ZFP90: variants seen among roughly 807,000 people sequenced by gnomAD.
ZFP90 encodes ZFP90 zinc finger protein, also known as zinc finger protein 90 homolog.
In ZFP90, 38 loss-of-function variants were observed where a neutral mutation model predicts 60.8. The ratio of observed to expected loss-of-function variants is 0.62; its 90% CI spans 0.48 to 0.82. The LOEUF is 0.82. ZFP90 is among the 40% of genes least tolerant of loss of function. The pLI is 0.00. For missense variants in ZFP90, 711 were observed against 759.1 expected, an observed-to-expected ratio of 0.94 and a Z score of 0.74; for synonymous variants, 287 against 264.8, an observed-to-expected ratio of 1.08 and a Z score of -0.82.
upstream of ZFP90, among the ~76,000 whole-genome samples, chr16:68,534,841 A>G (rs2090949298): frequency 6.6e-6 from 1 of 151,972 alleles, no homozygotes. Context: ...TGGGAGGCAG[A>G]GCTTGCAGTG....
chr16:68,549,475 A>G (rs1328058042), intron 2 of ZFP90, among the ~76,000 whole-genome samples: 1 of 152,094 alleles, frequency 6.6e-6, no homozygotes, highest in African/African-American at 2.4e-5. Flanking sequence ...CAGGAGATCA[A>G]GACCATCCTG....
Position 68,564,742 on chromosome 16 carries a change from G to A in ZFP90, c.*44G>A, listed in dbSNP as rs1393055727. 7.1e-6 allele frequency: 11 copies of A among 1,549,506 alleles called. No homozygotes were observed. Among genetic ancestry groups the A allele is most frequent in the Admixed American group, 2.1e-5 (1 of 48,350 alleles). On this transcript the variant is annotated 3_prime_UTR_variant, in exon 5 of 5. Transcript: ENST00000563169. ...ATTTGCAGAATGCTTTAGCTAAAAT[G>A]TTCTGATTCAGGATCAGAGGATTCT...
intron 2 of ZFP90, among the ~76,000 whole-genome samples, chr16:68,550,248 G>A (rs8058314): frequency 0.77 from 116,584 of 152,114 alleles, 44,766 homozygotes; most frequent in East Asian, 0.82. Flanking sequence ...TTTGAAATTC[G>A]GTGTGTATTT....
At chr16:68,573,935 A>G (rs913731742) in intron 2 of ZFP90, 1 of 152,124 alleles carries the variant, frequency 6.6e-6, no homozygotes, top group African/African-American at 2.4e-5. Flanking sequence ...TGCAGTGCTG[A>G]GTTTTCGCTT....
chr16:68,564,887 A>G lies in ZFP90; in HGVS notation c.*189A>G, dbSNP rs2091501506. The G allele has an allele frequency of 7.3e-6, 10 of 1,362,950 alleles. No homozygotes were observed. Among genetic ancestry groups the G allele is most frequent in the Non-Finnish European group, 9.4e-6 (10 of 1,063,852 alleles). 84.4% of individuals were successfully genotyped at this position (1,362,950 alleles called of 1,614,324 possible). ...GACACATTCTCAGATCTGATTACAGACTAGTGTAAAAACAGCTACATGTAT... is the reference window on the plus strand; with the variant it reads ...GACACATTCTCAGATCTGATTACAGGCTAGTGTAAAAACAGCTACATGTAT... On this transcript the variant is annotated 3_prime_UTR_variant, in exon 5 of 5. Coordinates refer to ENST00000563169, the MANE Select transcript of ZFP90 (RefSeq NM_001305203.2).
chr16:68,567,790 T>G (rs774732733), downstream of ZFP90, among the ~76,000 whole-genome samples: 4 of 152,234 alleles, frequency 2.6e-5, no homozygotes, highest in African/African-American at 9.6e-5. Context: ...ACCTAAAATA[T>G]GTATGATATA....
At position 68,563,162 on chromosome 16, in the gene ZFP90, C is replaced by G; in HGVS notation, c.375C>G (p.Ser125Arg). 3.1e-6 allele frequency: 5 copies of G among 1,614,054 alleles called. No individual in the cohort carries two copies. Among genetic ancestry groups the G allele is most frequent in the Non-Finnish European group, 4.2e-6 (5 of 1,180,010 alleles). Residue 125 changes from serine (S) to arginine (R), a missense_variant, in exon 5 of 5, where the codon AGC becomes AGG. Physicochemically the swap from Ser to Arg is moderately radical, Grantham distance 110. This residue lies in a region of ZFP90 where 241 missense variants were observed against 247.6 expected (regional missense o/e 0.97). Coordinates refer to ENST00000563169, the MANE Select transcript of ZFP90 (RefSeq NM_001305203.2). The part of the protein sequence containing the change: ...ATLEDSWDVS[S>R]QLDRQQENWK... ...TAGAAGACTCCTGGGATGTTAGCAG[C>G]CAGTTAGACAGGCAACAGGAAAACT... is the stretch of plus-strand genomic sequence containing the variant.
At chr16:68,539,661 C>T (rs1248040351) in intron 1 of ZFP90, 97 bp from the exon 2 acceptor site, 2 of 994,122 alleles carry the variant, frequency 2.0e-6, no homozygotes, top group South Asian at 1.7e-5. Flanking sequence ...CCACCATCTC[C>T]CCTGGAGATG....
At chr16:68,537,263 G>T (rs1728799), upstream of ZFP90, among the ~76,000 whole-genome samples, 116,415 of 151,890 alleles carry the variant, frequency 0.77, 44,701 homozygotes, top group East Asian at 0.82. Context: ...GTAGCTGTGA[G>T]TACAGGCGCA....
chr16:68,540,757 A>G (rs1468691789), intron 2 of ZFP90, among the ~76,000 whole-genome samples: 1 of 145,696 alleles, frequency 6.9e-6, no homozygotes, highest in Non-Finnish European at 1.5e-5. Context: ...GGATCGTTTA[A>G]GCCCAGGAAT....
At chr16:68,561,291 A>G (rs1353329654) in intron 4 of ZFP90, among the ~76,000 whole-genome samples, 2 of 152,198 alleles carry the variant, frequency 1.3e-5, no homozygotes, top group East Asian at 3.8e-4. Context: ...AAAGTTCCCT[A>G]TCGTACTTCC....
At chr16:68,555,093 C>T (rs2152068284) in intron 2 of ZFP90, 1 of 152,362 alleles carries the variant, frequency 6.6e-6, no homozygotes, top group Non-Finnish European at 1.5e-5. Flanking sequence ...CCTCTTAGGA[C>T]CTGGTACAGA....
rs2091528084 is a variant in ZFP90 at position 68,566,416 on chromosome 16, A to G, written c.*1718A>G. Reference sequence around the variant, plus strand: ...ATTGATGGTGAACCTTTCCTACTGGATTCTTTGCATGCCACATAGCAGGAT... The same window carrying G: ...ATTGATGGTGAACCTTTCCTACTGGGTTCTTTGCATGCCACATAGCAGGAT... On this transcript the variant is annotated 3_prime_UTR_variant, in exon 5 of 5. Transcript: ENST00000563169. The G allele has an allele frequency of 4.1e-6, 4 of 985,414 alleles. No individual in the cohort carries two copies. Among genetic ancestry groups the G allele is most frequent in the Non-Finnish European group, 4.8e-6 (4 of 829,934 alleles). The allele number at this position is 985,414 out of a possible 1,614,324, so 61.0% of individuals were successfully genotyped here. A position where few individuals can be genotyped will look rare whatever the true frequency, so the allele number is the denominator to read the frequency against.
intron 2 of ZFP90, among the ~76,000 whole-genome samples, chr16:68,554,720 G>C (rs2091317016): frequency 6.6e-6 from 1 of 152,098 alleles, no homozygotes. Context: ...AGGAGGCCGA[G>C]GTGGGAGGAT....
downstream of ZFP90, among the ~76,000 whole-genome samples, chr16:68,570,650 ACTGT>A (rs1203084596): frequency 1.3e-5 from 2 of 152,236 alleles, no homozygotes; most frequent in African/African-American, 2.4e-5. Flanking sequence ...TGCTTTCAGC[ACTGT>A]CTGCTGGTTC....
intron 2 of ZFP90, among the ~76,000 whole-genome samples, chr16:68,545,810 G>A (rs760246767): frequency 1.1e-4 from 16 of 152,210 alleles, no homozygotes; most frequent in Non-Finnish European, 1.9e-4. Flanking sequence ...GCGAGACTCC[G>A]TCTCAAAAAA....
upstream of ZFP90, among the ~76,000 whole-genome samples, chr16:68,538,487 C>T (rs766645607): frequency 1.3e-4 from 19 of 151,942 alleles, no homozygotes; most frequent in Non-Finnish European, 2.5e-4. Flanking sequence ...CTTTGGGAGG[C>T]CGAGGCGAGT....
At chr16:68,536,548 C>T (rs1555497066), upstream of ZFP90, among the ~76,000 whole-genome samples, 4 of 152,186 alleles carry the variant, frequency 2.6e-5, no homozygotes, top group Non-Finnish European at 5.9e-5. Flanking sequence ...AAGCGATCCT[C>T]CCTCCTCAGC....
chr16:68,563,871 G>A lies in ZFP90; in HGVS notation c.1084G>A (p.Gly362Arg). 1 of 1,614,108 alleles carries A rather than the reference G, an allele frequency of 6.2e-7. No homozygotes were observed. Among genetic ancestry groups the A allele is most frequent in the Non-Finnish European group, 8.5e-7 (1 of 1,180,000 alleles). Residue 362 changes from glycine (G) to arginine (R), a missense_variant, in exon 5 of 5, where the codon GGA becomes AGA. Coordinates refer to ENST00000563169, the MANE Select transcript of ZFP90 (RefSeq NM_001305203.2). ...SLTQHEVTHS[G>R]EKPFQCKECG... Reference sequence around the variant, plus strand: ...CACTCAACACGAGGTCACACACAGTGGAGAGAAGCCCTTCCAGTGTAAGGA... The same window carrying A: ...CACTCAACACGAGGTCACACACAGTAGAGAGAAGCCCTTCCAGTGTAAGGA...
Sources: gnomAD v4.1 joint callset for allele counts (sites outside exome capture counted in the v4.1 genomes callset) on GRCh38, gnomAD v4.1.1 for gene constraint, gnomAD v4.1.1 regional missense constraint, MANE v1.5 for transcripts, NCBI Gene and HGNC (gene_info 2026-07-23, HGNC 2026-07-21) for gene names.